Variants in ELMO1 observed in about 807,000 individuals in gnomAD.
ELMO1 encodes engulfment and cell motility 1, also known as engulfment and cell motility protein 1.
A neutral mutation model predicts 98.9 loss-of-function variants in ELMO1; 26 were observed. The ratio of observed to expected loss-of-function variants is 0.26; its 90% CI spans 0.19 to 0.36. ELMO1 has a LOEUF of 0.36. Ranked by LOEUF, ELMO1 falls within the 10% of genes least tolerant of loss-of-function variation. The pLI is 1.00. For missense variants in ELMO1, 627 were observed against 935.2 expected (o/e 0.67, Z 4.30); for synonymous variants, 346 against 346.0 (o/e 1.00, Z 0.00).
chr7:36,951,612 G>A (rs543252874), intron 16 of ELMO1, among the ~76,000 whole-genome samples: 1 of 152,290 alleles, frequency 6.6e-6, no homozygotes, highest in Admixed American at 6.5e-5. Context: ...CTGAGAATCT[G>A]CATTTCTAGC....
intron 16 of ELMO1, among the ~76,000 whole-genome samples, chr7:36,939,666 T>C (rs952275620): frequency 1.6e-4 from 24 of 152,246 alleles, no homozygotes; most frequent in African/African-American, 5.3e-4. Flanking sequence ...AGGGTTCCCA[T>C]GTTCAAAGTG....
intron 14 of ELMO1, among the ~76,000 whole-genome samples, chr7:37,124,524 T>C (rs1322996283): frequency 2.0e-5 from 3 of 152,122 alleles, no homozygotes; most frequent in Non-Finnish European, 4.4e-5. Flanking sequence ...ATGAATGAAC[T>C]CCCATTCACA....
rs187721751 is a variant in ELMO1 at position 37,029,982 on chromosome 7, G to C, written c.1301-16547C>G. ...TAATCAACCCCCGAAGGTTCTATAA[G>C]ATCCCTGCAAGTCTTTTCAGGTGGC... On this transcript the variant is annotated intron_variant, in intron 15 of 21. Coordinates refer to ENST00000310758, the MANE Select transcript of ELMO1 (RefSeq NM_014800.11). 1.8e-3 allele frequency among the ~76,000 whole-genome samples: 280 copies of C among 152,146 alleles called. 1 individual carries two copies. Among genetic ancestry groups the C allele is most frequent in the African/African-American group, 5.2e-3 (214 of 41,494 alleles).
At chr7:37,410,199 GA>G (rs1225818823) in intron 1 of ELMO1, among the ~76,000 whole-genome samples, 3 of 151,960 alleles carry the variant, frequency 2.0e-5, no homozygotes, top group South Asian at 4.2e-4. Flanking sequence ...TAATTGACAT[GA>G]AAAAAAATGA....
intron 1 of ELMO1, among the ~76,000 whole-genome samples, chr7:37,442,622 T>C (rs562159370): frequency 4.6e-5 from 7 of 152,328 alleles, no homozygotes; most frequent in African/African-American, 1.4e-4. Context: ...GGACATACTG[T>C]CCCTGAGAGA....
chr7:36,863,184 A>G (rs570299144), intron 20 of ELMO1, among the ~76,000 whole-genome samples: 77 of 152,340 alleles, frequency 5.1e-4, no homozygotes, highest in African/African-American at 1.8e-3. Flanking sequence ...AGCGAAGGAA[A>G]GAATGCTGAG....
chr7:36,935,685 C>T (rs1343417756), intron 16 of ELMO1, among the ~76,000 whole-genome samples: 1 of 152,134 alleles, frequency 6.6e-6, no homozygotes, highest in Non-Finnish European at 1.5e-5. Flanking sequence ...CATTTTGAGG[C>T]TCTTAATGCT....
At chr7:36,954,652 C>T (rs1788292650) in intron 16 of ELMO1, among the ~76,000 whole-genome samples, 2 of 152,118 alleles carry the variant, frequency 1.3e-5, no homozygotes, top group South Asian at 4.1e-4. Flanking sequence ...CAAAGGGTGC[C>T]TGCATTTTTT....
At chr7:36,865,476 G>A (rs553181434) in intron 20 of ELMO1, among the ~76,000 whole-genome samples, 6 of 152,276 alleles carry the variant, frequency 3.9e-5, no homozygotes, top group South Asian at 4.1e-4. Flanking sequence ...TCTTAGCAGC[G>A]TAACCGGCCA....
At chr7:36,925,880 T>C (rs1785527798) in intron 16 of ELMO1, among the ~76,000 whole-genome samples, 2 of 152,160 alleles carry the variant, frequency 1.3e-5, no homozygotes, top group Non-Finnish European at 2.9e-5. Flanking sequence ...CTCTGAGCAA[T>C]GGTGATGGAT....
chr7:37,027,395 G>A lies in ELMO1; in HGVS notation c.1301-13960C>T, dbSNP rs368637125. Among the ~76,000 whole-genome samples, 21 of 152,208 alleles carry A rather than the reference G, an allele frequency of 1.4e-4. No homozygotes were observed. The South Asian group carries it at 2.9e-3, about 21-fold the overall frequency. ...TTACAGGAACCTACTTTGAGCAGGG[G>A]TACTGGGCTTAGTGCTCATCTCAGC... is the stretch of plus-strand genomic sequence containing the variant. On this transcript the variant is annotated intron_variant, in intron 15 of 21. Transcript: ENST00000310758.
At chr7:37,437,786 G>A (rs1238864944) in intron 1 of ELMO1, among the ~76,000 whole-genome samples, 1 of 27,316 alleles carries the variant, frequency 3.7e-5, no homozygotes, top group Non-Finnish European at 8.5e-5. Context: ...TGGCTAACAA[G>A]GTGAAACCCC....
chr7:37,312,383 C>T (rs942528496), intron 4 of ELMO1, among the ~76,000 whole-genome samples: 36 of 152,364 alleles, frequency 2.4e-4, no homozygotes, highest in African/African-American at 8.4e-4. Flanking sequence ...ACCACGTGCC[C>T]AGCCCACATT....
chr7:37,447,714 CCACA>C (rs3054415), intron 1 of ELMO1, among the ~76,000 whole-genome samples: 17,989 of 131,990 alleles, frequency 0.14, 1,441 homozygotes, highest in Non-Finnish European at 0.17. Flanking sequence ...CGCGCACACA[CCACA>C]CACACACACA....
intron 16 of ELMO1, among the ~76,000 whole-genome samples, chr7:36,951,493 A>AG (rs1787963448): frequency 6.6e-6 from 1 of 152,168 alleles, no homozygotes; most frequent in Non-Finnish European, 1.5e-5. Context: ...AGCCTTAATC[A>AG]GTGGTTCTCA....
intron 16 of ELMO1, among the ~76,000 whole-genome samples, chr7:36,917,052 G>A (rs1425691385): frequency 2.6e-5 from 4 of 152,218 alleles, no homozygotes; most frequent in African/African-American, 9.6e-5. Flanking sequence ...GCTGCAGGGT[G>A]CAATTTTTTG....
chr7:37,080,930 C>A (rs375909887), intron 15 of ELMO1, among the ~76,000 whole-genome samples: 3 of 152,162 alleles, frequency 2.0e-5, no homozygotes, highest in African/African-American at 7.2e-5. Context: ...TCACTTCATT[C>A]ATAATTGTGA....
chr7:36,948,838 G>A (rs971378499), intron 16 of ELMO1, among the ~76,000 whole-genome samples: 7 of 152,114 alleles, frequency 4.6e-5, no homozygotes, highest in Non-Finnish European at 8.8e-5. Flanking sequence ...CCTATAGAAG[G>A]TACTGCTCAC....
rs80049083 is a variant in ELMO1, at chr7:37,112,241, T to G, written c.1192-15514A>C. 5.4e-3 allele frequency among the ~76,000 whole-genome samples: 819 copies of G among 152,158 alleles called. 7 individuals carry two copies. The highest frequency in any genetic ancestry group is 0.019 in the African/African-American group (775 of 41,490). On this transcript the variant is annotated intron_variant, in intron 14 of 21. Coordinates refer to ENST00000310758, the MANE Select transcript of ELMO1 (RefSeq NM_014800.11). ...AAAAATTTCATGTTAAGAGAGATAATAATCAAATAGTAAAACATACGATTA... is the reference window on the plus strand; with the variant it reads ...AAAAATTTCATGTTAAGAGAGATAAGAATCAAATAGTAAAACATACGATTA...
Sources: allele counts gnomAD v4.1 joint callset (sites outside exome capture counted in the v4.1 genomes callset), GRCh38; gene constraint gnomAD v4.1.1; transcripts MANE v1.5; gene names NCBI Gene and HGNC (gene_info 2026-07-23, HGNC 2026-07-21).